The following TARDBP variants were observed in gnomAD, a reference collection of about 807,000 sequenced individuals.
TARDBP encodes TAR DNA binding protein, also known as TAR DNA-binding protein 43.
TARDBP carries 4 observed loss-of-function variants against 38.3 expected under a neutral mutation model. The ratio of observed to expected loss-of-function variants is 0.10; its 90% confidence interval spans 0.05 to 0.24. The LOEUF (loss-of-function observed/expected upper bound fraction) is 0.24, where lower values mean the gene tolerates loss of function less well. Among genes scored for constraint, TARDBP ranks in the 10% least tolerant of loss-of-function variants. The pLI, the probability that TARDBP is intolerant of heterozygous loss-of-function variation, is 1.00. For synonymous variants in TARDBP, 184 were observed against 183.8 expected, an observed-to-expected ratio of 1.00 and a Z score of -0.01; for missense variants, 202 against 521.9, an observed-to-expected ratio of 0.39 and a Z score of 5.97.
In TARDBP at chr1:11,022,091, ATCT is replaced by A. The variant is rs748551445; in HGVS notation, c.715-28_715-26del. 6.8e-6 allele frequency: 11 copies of A among 1,613,212 alleles called. No individual in the cohort carries two copies. Among genetic ancestry groups the A allele is most frequent in the East Asian group, 2.2e-5 (1 of 44,890 alleles). On this transcript the variant is annotated intron_variant, in intron 5 of 5. Coordinates refer to ENST00000240185, the MANE Select transcript of TARDBP (RefSeq NM_007375.4). This position sits in a 1 kb window ranked among gnomAD's most constrained non-coding sequence, Gnocchi z 4.5. The stretch of plus-strand genomic sequence containing the variant: ...TTTAAATATATGAATCAGTGGTTTA[ATCT>A]TCTTTGTTTACATCCCTTATTTCTT...
chr1:11,020,305 C>T (rs143242063), intron 4 of TARDBP, 124 bp from the exon 5 acceptor site: 35 of 1,116,256 alleles, frequency 3.1e-5, no homozygotes, highest in Admixed American at 2.3e-4. Flanking sequence ...ATTAAGGGTA[C>T]GTCTACTTTT....
intron 2 of TARDBP, chr1:11,016,344 A>G (rs1184459306): frequency 1.2e-5 from 2 of 167,004 alleles, no homozygotes; most frequent in South Asian, 1.5e-4. Flanking sequence ...GTGGCTATTC[A>G]TAGGCACACT....
intron 3 of TARDBP, 117 bp downstream of exon 3, chr1:11,017,124 C>T: frequency 8.6e-7 from 1 of 1,162,130 alleles, no homozygotes; most frequent in South Asian, 1.3e-5. Flanking sequence ...TGGCGTCAAA[C>T]TCCTGGGCCC....
At chr1:11,020,286 A>C (rs1643610523) in intron 4 of TARDBP, 143 bp from the exon 5 acceptor site, 1 of 926,560 alleles carries the variant, frequency 1.1e-6, no homozygotes, top group South Asian at 1.5e-5. Context: ...AGAAATGCTG[A>C]TGGAAAAAAT....
downstream of TARDBP, chr1:11,029,634 C>CTTTTTTTTTTTT (rs551910712): frequency 3.7e-5 from 3 of 80,954 alleles, no homozygotes; most frequent in Non-Finnish European, 6.5e-5. Flanking sequence ...TTTTTAAAAT[C>CTTTTTTTTTTTT]TTTTTTTTTT....
At chr1:11,013,684 A>T in intron 1 of TARDBP, 32 bp from the exon 2 acceptor site, 1 of 1,505,070 alleles carries the variant, frequency 6.6e-7, no homozygotes, top group African/African-American at 1.4e-5. Context: ...TCTGACATGA[A>T]TGTTGTTCAT....
At chr1:11,018,562 ATG>A in intron 3 of TARDBP, 169 bp from the exon 4 acceptor site, 1 of 826,514 alleles carries the variant, frequency 1.2e-6, no homozygotes, top group Non-Finnish European at 2.0e-6. Flanking sequence ...TTAACACAGT[ATG>A]GATTCAATAT....
downstream of TARDBP, chr1:11,027,148 C>T (rs768079326): frequency 6.2e-7 from 1 of 1,613,784 alleles, no homozygotes; most frequent in Admixed American, 1.7e-5. Context: ...TCATATGCAG[C>T]AGTACATTTT....
At position 11,022,507 on chromosome 1, in the gene TARDBP, C is replaced by G. The variant is rs148325203; in HGVS notation, c.1098C>G (p.Ala366=). The change falls in exon 6 of 6, where the codon GCC becomes GCG. Residue 366 remains alanine, a synonymous_variant. Coordinates refer to ENST00000240185, the MANE Select transcript of TARDBP (RefSeq NM_007375.4). This position sits in a 1 kb window ranked among gnomAD's most constrained non-coding sequence, Gnocchi z 4.5. ...ACATGCAGAGGGAGCCAAACCAGGC[C>G]TTCGGTTCTGGAAATAACTCTTATA... ...QGNMQREPNQ[A]FGSGNNSYSG... The G allele has an allele frequency of 4.9e-4, 786 of 1,597,750 alleles. 4 individuals carry two copies. The East Asian group carries it at 0.017, about 34-fold the overall frequency.
chr1:11,018,036 C>G (rs1296406474), intron 3 of TARDBP, among the ~76,000 whole-genome samples: 1 of 149,784 alleles, frequency 6.7e-6, no homozygotes, highest in Non-Finnish European at 1.5e-5. Flanking sequence ...GTGCCTGCCA[C>G]CACGCCTGGC....
intron 2 of TARDBP, 80 bp from the exon 3 acceptor site, chr1:11,016,764 C>T: frequency 4.9e-6 from 7 of 1,441,784 alleles, no homozygotes; most frequent in Admixed American, 3.7e-5. Context: ...TTTTGCTTCT[C>T]ATTTCTAGAT....
intron 3 of TARDBP, 109 bp downstream of exon 3, chr1:11,017,116 G>C: frequency 4.7e-6 from 6 of 1,267,912 alleles, no homozygotes; most frequent in Non-Finnish European, 5.7e-6. Context: ...CTAGGTTCTG[G>C]CGTCAAACTC....
rs148597168 is a variant in TARDBP at position 11,020,232 on chromosome 1, T to C, written c.544-197T>C. On this transcript the variant is annotated intron_variant, in intron 4 of 5. Coordinates refer to ENST00000240185, the MANE Select transcript of TARDBP (RefSeq NM_007375.4). ...TTATGTGATGCATGACTGTGTACTT[T>C]TGTAACTTAAAACGTTACTCTTCAC... Among the ~76,000 whole-genome samples the C allele has an allele frequency of 2.6e-4, 40 of 152,334 alleles. No homozygotes were observed. In the East Asian group the frequency reaches 7.5e-3, roughly 29 times the overall value.
At chr1:11,013,624 G>T (rs1055809664) in intron 1 of TARDBP, 92 bp from the exon 2 acceptor site, 18 of 1,106,954 alleles carry the variant, frequency 1.6e-5, no homozygotes, top group Non-Finnish European at 2.3e-5. Flanking sequence ...TTTTCTGGAA[G>T]TCAGAACTCT....
downstream of TARDBP, among the ~76,000 whole-genome samples, chr1:11,028,937 TCTC>T (rs1643791850): frequency 6.6e-6 from 1 of 151,024 alleles, no homozygotes; most frequent in South Asian, 2.1e-4. Context: ...CTGGTCTTGA[TCTC>T]CTGACCTCAC....
At position 11,024,988 on chromosome 1, in the gene TARDBP, G is replaced by A. The variant is rs182302907; in HGVS notation, c.*2334G>A. 3.9e-5 allele frequency: 6 copies of A among 152,528 alleles called. No homozygotes were observed. In the East Asian group the frequency reaches 9.6e-4, roughly 25 times the overall value. 9.4% of individuals were successfully genotyped at this position (152,528 alleles called of 1,614,324 possible). A position where few individuals can be genotyped will look rare whatever the true frequency, so the allele number is the denominator to read the frequency against. On this transcript the variant is annotated 3_prime_UTR_variant, in exon 6 of 6. Transcript: ENST00000240185. ...GAAGTCATCCTTTAGACTTGTAATC[G>A]CCACATTGTTTCATTATTCAGTTTC...
intron 1 of TARDBP, among the ~76,000 whole-genome samples, chr1:11,013,147 C>A (rs1643445325): frequency 6.6e-6 from 1 of 152,366 alleles, no homozygotes; most frequent in African/African-American, 2.4e-5. Flanking sequence ...CCGCCAGGAC[C>A]TGTCGCCGCG....
In TARDBP at chr1:11,018,877, C is replaced by T. The variant is rs989584719; in HGVS notation, c.543+4C>T. The T allele has an allele frequency of 1.1e-5, 18 of 1,613,906 alleles. No homozygotes were observed. The highest frequency in any genetic ancestry group is 2.7e-5 in the African/African-American group (2 of 74,916). ...CTGCAAACTTCCTAATTCTAAGGTA[C>T]TTGCGTCTGTGCTTTGGGAATTTTT... On this transcript the variant is annotated splice_donor_region_variant and intron_variant, in intron 4 of 5. Coordinates refer to ENST00000240185, the MANE Select transcript of TARDBP (RefSeq NM_007375.4).
chr1:11,016,547 A>C (rs1643529280), intron 2 of TARDBP, among the ~76,000 whole-genome samples: 2 of 152,222 alleles, frequency 1.3e-5, no homozygotes, highest in Admixed American at 6.5e-5. Context: ...TTTAAAGTCA[A>C]AGTGAAGTAG....
Sources: allele counts gnomAD v4.1 joint callset (sites outside exome capture counted in the v4.1 genomes callset), GRCh38; gene constraint gnomAD v4.1.1; non-coding constraint Gnocchi (gnomAD v3.1); transcripts MANE v1.5; gene names NCBI Gene and HGNC (gene_info 2026-07-23, HGNC 2026-07-21).